The following PAX8 variants were observed in gnomAD, a reference collection of about 807,000 sequenced individuals.
PAX8 encodes paired box protein Pax-8.
In PAX8, 15 loss-of-function variants were observed where a neutral mutation model predicts 52.4. The observed-to-expected ratio is 0.29, with a 90% confidence interval of 0.19 to 0.44. PAX8 has a LOEUF of 0.44. Among genes scored for constraint, PAX8 ranks in the 20% least tolerant of loss-of-function variants. The pLI is 1.00. For missense variants in PAX8, 554 were observed against 602.5 expected (o/e 0.92, Z 0.84); for synonymous variants, 284 against 249.7 (o/e 1.14, Z -1.29).
chr2:113,254,128 ATT>A (rs1692011969), intron 2 of PAX8, among the ~76,000 whole-genome samples: 1 of 152,152 alleles, frequency 6.6e-6, no homozygotes, highest in African/African-American at 2.4e-5. Flanking sequence ...CCTCCTAAAT[ATT>A]TACCTAACCA....
At chr2:113,256,995 C>T (rs1016672970) in intron 2 of PAX8, among the ~76,000 whole-genome samples, 9 of 152,156 alleles carry the variant, frequency 5.9e-5, no homozygotes, top group African/African-American at 2.2e-4. Context: ...AGGCACTGTT[C>T]CAGGTTCTGG....
intron 7 of PAX8, chr2:113,238,081 T>TTTTC (rs1227792813): frequency 1.3e-5 from 2 of 151,838 alleles, no homozygotes; most frequent in East Asian, 3.9e-4. Flanking sequence ...TTTTTTTTTT[T>TTTTC]TTTTGTAGAC....
At chr2:113,269,737 G>C (rs536662963) in intron 2 of PAX8, 1 of 152,176 alleles carries the variant, frequency 6.6e-6, no homozygotes, top group South Asian at 2.1e-4. Flanking sequence ...TGGAGGATAC[G>C]TGGATTTAAT....
chr2:113,216,545 C>G lies in PAX8; in HGVS notation c.*1988G>C, dbSNP rs1411377930. The G allele has an allele frequency of 4.3e-6, 1 of 230,000 alleles. No homozygotes were observed. The highest frequency in any genetic ancestry group is 2.2e-5 in the African/African-American group (1 of 45,174). 14.2% of individuals were successfully genotyped at this position (230,000 alleles called of 1,614,324 possible). Reference sequence around the variant, plus strand: ...GGAGAAGGTCCATGTGGACACCAGACAGCCCCCTGGAGTGCAGAGCCCGAG... The same window carrying G: ...GGAGAAGGTCCATGTGGACACCAGAGAGCCCCCTGGAGTGCAGAGCCCGAG... On this transcript the variant is annotated 3_prime_UTR_variant, in exon 12 of 12. Coordinates refer to ENST00000429538, the MANE Select transcript of PAX8 (RefSeq NM_003466.4).
At chr2:113,278,769 C>T (rs1050338897) in intron 1 of PAX8, 62 bp downstream of exon 1, 9 of 842,656 alleles carry the variant, frequency 1.1e-5, no homozygotes, top group Non-Finnish European at 1.4e-5. Flanking sequence ...GGGACCCTCT[C>T]CTTTCTTCCA....
chr2:113,278,675 A>T, intron 1 of PAX8, 156 bp downstream of exon 1: 1 of 637,252 alleles, frequency 1.6e-6, no homozygotes. Flanking sequence ...AAGAAGCTCC[A>T]GACTCCAACC....
At chr2:113,235,688 G>T in intron 8 of PAX8, 106 bp from the exon 9 acceptor site, 1 of 861,076 alleles carries the variant, frequency 1.2e-6, no homozygotes, top group East Asian at 2.6e-5. Flanking sequence ...GGGGCGCGGG[G>T]CAGGCTCAGC....
rs1351906068 is a variant in PAX8 at position 113,216,565 on chromosome 2, C to T, written c.*1968G>A. The T allele has an allele frequency of 4.3e-6, 1 of 229,980 alleles. No individual in the cohort carries two copies. The highest frequency in any genetic ancestry group is 8.6e-6 in the Non-Finnish European group (1 of 115,988). The allele number at this position is 229,980 out of a possible 1,614,324, so 14.2% of individuals were successfully genotyped here. Reference sequence around the variant, plus strand: ...CCAGACAGCCCCCTGGAGTGCAGAGCCCGAGCTGTCACATTGCATTTCCCA... The same window carrying T: ...CCAGACAGCCCCCTGGAGTGCAGAGTCCGAGCTGTCACATTGCATTTCCCA... On this transcript the variant is annotated 3_prime_UTR_variant, in exon 12 of 12. Coordinates refer to ENST00000429538, the MANE Select transcript of PAX8 (RefSeq NM_003466.4).
chr2:113,254,896 A>G (rs1172340928), intron 2 of PAX8, among the ~76,000 whole-genome samples: 1 of 152,056 alleles, frequency 6.6e-6, no homozygotes, highest in Non-Finnish European at 1.5e-5. Context: ...GCTCCCTCCT[A>G]CAGAAAGTCT....
intron 3 of PAX8, among the ~76,000 whole-genome samples, chr2:113,245,431 C>T (rs1691234512): frequency 1.3e-5 from 2 of 152,266 alleles, no homozygotes; most frequent in African/African-American, 2.4e-5. Context: ...CACCTTTGCT[C>T]CCTGCCCTGT....
At chr2:113,243,941 G>T (rs142917874) in intron 4 of PAX8, among the ~76,000 whole-genome samples, 1 of 152,130 alleles carries the variant, frequency 6.6e-6, no homozygotes, top group Non-Finnish European at 1.5e-5. Context: ...TGTAAGCTCC[G>T]CAAAGATGGG....
Position 113,278,871 on chromosome 2 carries a change from C to T in PAX8, c.-116G>A, listed in dbSNP as rs1573566116. The T allele has an allele frequency of 2.8e-6, 3 of 1,058,184 alleles. No individual in the cohort carries two copies. The highest frequency in any genetic ancestry group is 3.4e-6 in the Non-Finnish European group (3 of 873,930). 65.5% of individuals were successfully genotyped at this position (1,058,184 alleles called of 1,614,324 possible). A position where few individuals can be genotyped will look rare whatever the true frequency, so the allele number is the denominator to read the frequency against. ...CAGGCCCTCACTGCTTGGGTCCGCC[C>T]GCGAGGGTGCCCTGGGCCCGGTGTC... On this transcript the variant is annotated 5_prime_UTR_variant, in exon 1 of 12. Coordinates refer to ENST00000429538, the MANE Select transcript of PAX8 (RefSeq NM_003466.4).
chr2:113,230,365 T>C (rs758785582), intron 9 of PAX8, among the ~76,000 whole-genome samples: 1 of 152,230 alleles, frequency 6.6e-6, no homozygotes, highest in Non-Finnish European at 1.5e-5. Context: ...CCAGGGCATA[T>C]ACTCCCCTTA....
chr2:113,245,004 A>G (rs1480247574), intron 3 of PAX8, among the ~76,000 whole-genome samples: 2 of 151,118 alleles, frequency 1.3e-5, no homozygotes, highest in East Asian at 1.9e-4. Flanking sequence ...AGTTTGCTCT[A>G]TCCAGCTTCT....
At chr2:113,253,483 C>T (rs1314166548) in intron 2 of PAX8, among the ~76,000 whole-genome samples, 1 of 152,228 alleles carries the variant, frequency 6.6e-6, no homozygotes, top group Non-Finnish European at 1.5e-5. Context: ...CCCTTCCACT[C>T]AACCTCCTGC....
At chr2:113,263,440 C>T (rs1046390701) in intron 2 of PAX8, 5 of 152,848 alleles carry the variant, frequency 3.3e-5, no homozygotes, top group Non-Finnish European at 5.9e-5. Context: ...CAGGGCCCTT[C>T]CAAAATACTG....
chr2:113,272,156 A>C (rs1693505011), intron 2 of PAX8: 10 of 151,940 alleles, frequency 6.6e-5, no homozygotes, highest in Admixed American at 5.9e-4. Flanking sequence ...TCCTTCGGGG[A>C]CTCTTGGACT....
intron 2 of PAX8, chr2:113,272,817 A>G (rs912112901): frequency 3.9e-5 from 6 of 152,158 alleles, no homozygotes; most frequent in African/African-American, 1.2e-4. Flanking sequence ...ACCCTCTAAG[A>G]GAAGATAACG....
In PAX8 at chr2:113,235,575, G is replaced by T. The variant is rs750725540; in HGVS notation, c.906C>A (p.His302Gln). 6.2e-7 allele frequency: 1 copy of T among 1,610,206 alleles called. No homozygotes were observed. The highest frequency in any genetic ancestry group is 1.1e-5 in the South Asian group (1 of 90,834). The change falls in exon 9 of 12, where the codon CAC becomes CAA. Residue 302 changes from histidine (H) to glutamine (Q), a missense_variant. Coordinates refer to ENST00000429538, the MANE Select transcript of PAX8 (RefSeq NM_003466.4). ...TTTCCTGCTTTATGGCGAAGGGTGA[G>T]TGAGGATCTGCCGGAGGGAGGGAGA... ...HQTYPVVADP[H>Q]SPFAIKQETP...
Sources: gnomAD v4.1 joint callset for allele counts (sites outside exome capture counted in the v4.1 genomes callset) on GRCh38, gnomAD v4.1.1 for gene constraint, MANE v1.5 for transcripts, NCBI Gene and HGNC (gene_info 2026-07-23, HGNC 2026-07-21) for gene names.